The following DMD variants were observed in gnomAD, a reference collection of about 807,000 sequenced individuals.
The protein encoded by DMD is mutant dystrophin.
In DMD, 63 loss-of-function variants were observed where a neutral mutation model predicts 330.1. The observed-to-expected ratio is 0.19, with a 90% CI of 0.16 to 0.24. The LOEUF (loss-of-function observed/expected upper bound fraction) is 0.24. DMD is among the 10% of genes least tolerant of loss of function. The pLI is 1.00. For missense variants in DMD, 3,344 were observed against 2,684.1 expected (o/e 1.25, Z -5.43); for synonymous variants, 1,223 against 959.8 (o/e 1.27, Z -5.07).
chrX:32,599,253 C>T (rs1318649634), intron 12 of DMD, among the ~76,000 whole-genome samples: 1 of 111,070 alleles, frequency 9.0e-6, no homozygotes, highest in African/African-American at 3.3e-5. Flanking sequence ...AACTATGCAA[C>T]GTTCAGGGTT....
At chrX:31,441,260 G>A (rs1343688640) in intron 60 of DMD, among the ~76,000 whole-genome samples, 3 of 111,651 alleles carry the variant, frequency 2.7e-5, no homozygotes, top group African/African-American at 9.8e-5. Context: ...GCAGTGGCAC[G>A]ATCTCAGCTC....
At chrX:32,105,546 T>C (rs1250721343) in intron 44 of DMD, among the ~76,000 whole-genome samples, 3 of 112,049 alleles carry the variant, frequency 2.7e-5, no homozygotes, top group Non-Finnish European at 5.6e-5. Flanking sequence ...GCCCATATGA[T>C]AGAGGTAGAC....
chrX:31,597,872 C>T (rs1257079459), intron 55 of DMD, among the ~76,000 whole-genome samples: 1 of 111,670 alleles, frequency 9.0e-6, no homozygotes, highest in Non-Finnish European at 1.9e-5. Flanking sequence ...CAGCCCCAGA[C>T]ATGATACATT....
At chrX:32,438,560 G>A (rs370771447) in intron 28 of DMD, among the ~76,000 whole-genome samples, 170 bp from the exon 29 acceptor site, 1 of 111,816 alleles carries the variant, frequency 8.9e-6, no homozygotes, top group East Asian at 2.8e-4. Flanking sequence ...TCAAAAAATA[G>A]GATGTCATTC....
intron 44 of DMD, among the ~76,000 whole-genome samples, chrX:32,123,201 G>GTATATATATA (rs2096644759): frequency 4.6e-4 from 9 of 19,390 alleles, no homozygotes; most frequent in Non-Finnish European, 5.5e-4. Flanking sequence ...TTGTGAGCAT[G>GTATATATATA]CATATATATA....
chrX:32,625,162 C>T (rs1161990826), intron 11 of DMD, among the ~76,000 whole-genome samples: 8 of 110,824 alleles, frequency 7.2e-5, no homozygotes, highest in Non-Finnish European at 1.3e-4. Context: ...CAGAGTGAAA[C>T]GCCGTTTCAA....
chrX:31,393,495 A>C lies in DMD; in HGVS notation c.9085-44861T>G, dbSNP rs199734063. Among the ~76,000 whole-genome samples the C allele has an allele frequency of 5.9e-4, 58 of 98,111 alleles. No individual in the cohort carries two copies. In the South Asian group the frequency reaches 0.017, roughly 28 times the overall value. The allele number at this position is 98,111 out of a possible 115,157, so 85.2% of individuals were successfully genotyped here. Reference sequence around the variant, plus strand: ...CCATCTCAAAAAAAAAAAAAAACAAAAAAAAAAAACAAACCCAACTTTTTC... The same window carrying C: ...CCATCTCAAAAAAAAAAAAAAACAACAAAAAAAAACAAACCCAACTTTTTC... On this transcript the variant is annotated intron_variant, in intron 60 of 78. Coordinates refer to ENST00000357033, the MANE Select transcript of DMD (RefSeq NM_004006.3).
At chrX:32,736,257 C>G (rs1243483248) in intron 7 of DMD, among the ~76,000 whole-genome samples, 1 of 111,183 alleles carries the variant, frequency 9.0e-6, no homozygotes, top group East Asian at 2.8e-4. Flanking sequence ...ATTAAAAAGT[C>G]AGGAAACAAC....
intron 53 of DMD, among the ~76,000 whole-genome samples, chrX:31,665,964 T>C (rs778955524): frequency 4.5e-5 from 5 of 112,012 alleles, no homozygotes; most frequent in African/African-American, 1.6e-4. Flanking sequence ...GAAAGCATTC[T>C]CTTTATCTGG....
At chrX:31,930,704 A>G (rs1383515390) in intron 46 of DMD, among the ~76,000 whole-genome samples, 1 of 112,369 alleles carries the variant, frequency 8.9e-6, no homozygotes, top group African/African-American at 3.2e-5. Context: ...CGGGAGTTCT[A>G]TTTGAAAGCA....
At chrX:31,482,404 A>G (rs1011776608) in intron 57 of DMD, among the ~76,000 whole-genome samples, 2 of 111,657 alleles carry the variant, frequency 1.8e-5, no homozygotes, top group African/African-American at 6.5e-5. Flanking sequence ...GTGCCTACAT[A>G]TCAAAGTTTA....
rs187007393 is a variant in DMD at position 31,637,652 on chromosome X, C to T, written c.8028-9790G>A. ...TAATTAAAGTCAATAAACCTACTACCGATAAGGTATACAGCTTCTAAAAAC... is the reference window on the plus strand; with the variant it reads ...TAATTAAAGTCAATAAACCTACTACTGATAAGGTATACAGCTTCTAAAAAC... On this transcript the variant is annotated intron_variant, in intron 54 of 78. Transcript: ENST00000357033. 5.2e-3 allele frequency among the ~76,000 whole-genome samples: 574 copies of T among 110,696 alleles called. 5 individuals carry two copies. The highest frequency in any genetic ancestry group is 0.018 in the African/African-American group (546 of 30,615).
chrX:31,376,622 A>C (rs1468408232), intron 60 of DMD, among the ~76,000 whole-genome samples: 3 of 112,266 alleles, frequency 2.7e-5, no homozygotes, highest in Non-Finnish European at 3.8e-5. Context: ...GAAATGTCAG[A>C]GCATGGGTTG....
At chrX:32,131,042 A>C (rs887246500) in intron 44 of DMD, among the ~76,000 whole-genome samples, 9 of 110,713 alleles carry the variant, frequency 8.1e-5, no homozygotes, top group African/African-American at 3.0e-4. Context: ...AAAATTAGCC[A>C]GGCATGGTGG....
intron 1 of DMD, among the ~76,000 whole-genome samples, chrX:33,314,580 T>TTTTTTTTTATC (rs2053904899): frequency 1.0e-5 from 1 of 100,052 alleles, no homozygotes; most frequent in African/African-American, 3.7e-5. Flanking sequence ...GTTTTTTTTT[T>TTTTTTTTTATC]TTTTTTTATC....
At chrX:32,642,406 G>A (rs2059526547) in intron 11 of DMD, among the ~76,000 whole-genome samples, 1 of 111,739 alleles carries the variant, frequency 8.9e-6, no homozygotes, top group African/African-American at 3.2e-5. Context: ...AAAAGCTCTT[G>A]AATCTTCCCT....
At chrX:32,554,895 A>AAGAC (rs1279042016) in intron 16 of DMD, among the ~76,000 whole-genome samples, 1 of 29,218 alleles carries the variant, frequency 3.4e-5, no homozygotes, top group Admixed American at 4.4e-4. Flanking sequence ...GAAAGAAAGA[A>AAGAC]AGAAAGAAAG....
chrX:32,250,988 C>A (rs73619044), intron 43 of DMD, among the ~76,000 whole-genome samples: 1,175 of 108,707 alleles, frequency 0.011, 18 homozygotes, highest in African/African-American at 0.037. Context: ...GGGAGTGGAA[C>A]AGTGAGAACA....
At chrX:31,936,865 T>A (rs1215496171) in intron 45 of DMD, among the ~76,000 whole-genome samples, 1 of 111,127 alleles carries the variant, frequency 9.0e-6, no homozygotes, top group Non-Finnish European at 1.9e-5. Context: ...TGATATTTTT[T>A]CCCCCAGCAC....
Sources: allele counts gnomAD v4.1 joint callset (sites outside exome capture counted in the v4.1 genomes callset), GRCh38; gene constraint gnomAD v4.1.1; transcripts MANE v1.5; gene names NCBI Gene and HGNC (gene_info 2026-07-23, HGNC 2026-07-21).